Variants in YLPM1 observed in about 807,000 individuals in gnomAD.
YLPM1 encodes the protein YLP motif-containing protein 1.
YLPM1 carries 99 observed loss-of-function variants against 230.0 expected under a neutral mutation model. The observed-to-expected ratio is 0.43, with a 90% confidence interval of 0.37 to 0.51. The LOEUF (loss-of-function observed/expected upper bound fraction) is 0.51. YLPM1 is among the 20% of genes least tolerant of loss of function. The pLI is 0.00. For synonymous variants in YLPM1, 984 were observed against 942.5 expected, an observed-to-expected ratio of 1.04 and a Z score of -0.81; for missense variants, 2,592 against 2,707.7, an observed-to-expected ratio of 0.96 and a Z score of 0.95.
At chr14:74,804,735 T>G (rs2091359890) in intron 6 of YLPM1, among the ~76,000 whole-genome samples, 1 of 152,258 alleles carries the variant, frequency 6.6e-6, no homozygotes, top group Admixed American at 6.5e-5. Flanking sequence ...CTTGTCTTTC[T>G]TTCTAAATTG....
chr14:74,802,736 G>A, intron 6 of YLPM1, 60 bp downstream of exon 6: 1 of 1,465,918 alleles, frequency 6.8e-7, no homozygotes, highest in Middle Eastern at 1.8e-4. Context: ...TTTCTATGTT[G>A]TTTGATTTTT....
chr14:74,820,693 C>G (rs1317522237), intron 16 of YLPM1, among the ~76,000 whole-genome samples: 1 of 152,186 alleles, frequency 6.6e-6, no homozygotes, highest in Non-Finnish European at 1.5e-5. Flanking sequence ...TTTCACTATA[C>G]TTTTTCTTAT....
In YLPM1 at chr14:74,799,551, A is replaced by G; in HGVS notation, c.4254A>G (p.Glu1418=). 1 of 1,613,990 alleles carries G rather than the reference A, an allele frequency of 6.2e-7. No individual in the cohort carries two copies. The highest frequency in any genetic ancestry group is 1.3e-5 in the African/African-American group (1 of 75,048). Residue 1418 remains glutamate, a synonymous_variant, in exon 5 of 21, where the codon GAA becomes GAG. Transcript: ENST00000325680. ...TGGATAGACATTCCCCCATGGCGGA[A>G]CATATGCCCTCCTCACATCATTCCT... ...SDVDRHSPMA[E]HMPSSHHSSE...
chr14:74,765,990 G>A (rs1214986604), intron 1 of YLPM1, among the ~76,000 whole-genome samples: 1 of 152,104 alleles, frequency 6.6e-6, no homozygotes, highest in Non-Finnish European at 1.5e-5. Flanking sequence ...TCAACCCTCT[G>A]TTTCCCCTTA....
intron 2 of YLPM1, among the ~76,000 whole-genome samples, chr14:74,779,571 C>T (rs1483015036): frequency 2.6e-5 from 4 of 151,594 alleles, no homozygotes. Flanking sequence ...TATTGTAGTC[C>T]ATTGGTGAAA....
At chr14:74,788,794 G>A (rs2091173852) in intron 4 of YLPM1, among the ~76,000 whole-genome samples, 1 of 151,982 alleles carries the variant, frequency 6.6e-6, no homozygotes, top group Non-Finnish European at 1.5e-5. Context: ...AGTGAGCTGT[G>A]CACTGCACTC....
chr14:74,806,244 T>C lies in YLPM1; in HGVS notation c.4522-3136T>C, dbSNP rs1051491060. On this transcript the variant is annotated intron_variant, in intron 6 of 20. Coordinates refer to ENST00000325680, the MANE Select transcript of YLPM1 (RefSeq NM_019589.3). ...TGGTGGCATGTGCCTGTAATCCTAGTTACAGGTGAGGCTGAGGCAGGAGAA... is the reference window on the plus strand; with the variant it reads ...TGGTGGCATGTGCCTGTAATCCTAGCTACAGGTGAGGCTGAGGCAGGAGAA... Among the ~76,000 whole-genome samples, 52 of 151,886 alleles carry C rather than the reference T, an allele frequency of 3.4e-4. 1 individual carries two copies. The highest frequency in any genetic ancestry group is 3.4e-3 in the Admixed American group (52 of 15,262).
At chr14:74,782,451 C>T (rs1418915495) in intron 4 of YLPM1, 126 bp downstream of exon 4, 2 of 1,149,890 alleles carry the variant, frequency 1.7e-6, no homozygotes, top group East Asian at 2.7e-5. Context: ...CTTATATTGT[C>T]TGCTTGTTAA....
chr14:74,793,618 C>T (rs1357161354), intron 4 of YLPM1, among the ~76,000 whole-genome samples: 1 of 152,108 alleles, frequency 6.6e-6, no homozygotes, highest in Admixed American at 6.6e-5. Context: ...TCATTTTGGA[C>T]GTGTTCCTCA....
At position 74,763,976 on chromosome 14, in the gene YLPM1, T is replaced by A. The variant is rs753564375; in HGVS notation, c.487T>A (p.Ser163Thr). 2.2e-6 allele frequency: 3 copies of A among 1,380,394 alleles called. No homozygotes were observed. Among genetic ancestry groups the A allele is most frequent in the Non-Finnish European group, 2.9e-6 (3 of 1,044,578 alleles). The allele number at this position is 1,380,394 out of a possible 1,614,324, so 85.5% of individuals were successfully genotyped here. ...TGGGTCCTATATGCCCCCATCTCAG[T>A]CTTACATGCCCCCACCTCAGCCGCC... ...PPGSYMPPSQ[S>T]YMPPPQPPPS... Residue 163 changes from serine to threonine, a missense_variant, in exon 1 of 21, where the codon TCT (serine) becomes ACT (threonine). Coordinates refer to ENST00000325680, the MANE Select transcript of YLPM1 (RefSeq NM_019589.3).
rs1307494196 is a variant in YLPM1, at chr14:74,818,431, T to C, written c.6030+117T>C. On this transcript the variant is annotated intron_variant, in intron 16 of 20. Coordinates refer to ENST00000325680, the MANE Select transcript of YLPM1 (RefSeq NM_019589.3). ...TGAATAGTATTCATACAAGAACACCTACTGATATGCCTTTCATTGAGATCA... is the reference window on the plus strand; with the variant it reads ...TGAATAGTATTCATACAAGAACACCCACTGATATGCCTTTCATTGAGATCA... 5.9e-6 allele frequency: 4 copies of C among 681,436 alleles called. No individual in the cohort carries two copies. The African/African-American group carries it at 7.4e-5, about 13-fold the overall frequency. 42.2% of individuals were successfully genotyped at this position (681,436 alleles called of 1,614,324 possible).
At chr14:74,818,377 A>G (rs2140135131) in intron 16 of YLPM1, 63 bp downstream of exon 16, 1 of 1,400,900 alleles carries the variant, frequency 7.1e-7, no homozygotes, top group Non-Finnish European at 9.7e-7. Context: ...TTTTACTTTG[A>G]AAAACTTAAA....
At chr14:74,802,842 A>G (rs893985386) in intron 6 of YLPM1, among the ~76,000 whole-genome samples, 166 bp downstream of exon 6, 2 of 152,198 alleles carry the variant, frequency 1.3e-5, no homozygotes, top group African/African-American at 4.8e-5. Flanking sequence ...CCTTAAAAGC[A>G]TGTTCAAAAG....
intron 19 of YLPM1, among the ~76,000 whole-genome samples, chr14:74,834,709 G>T (rs959928587): frequency 6.6e-6 from 1 of 152,182 alleles, no homozygotes; most frequent in Non-Finnish European, 1.5e-5. Context: ...GGTGCGATGC[G>T]CTCTGAGTGC....
intron 11 of YLPM1, among the ~76,000 whole-genome samples, chr14:74,815,747 T>C (rs2091473302): frequency 6.6e-6 from 1 of 152,184 alleles, no homozygotes; most frequent in African/African-American, 2.4e-5. Context: ...GGTTAAGTTA[T>C]TGATTTGAGA....
At chr14:74,816,731 G>T (rs769624356) in intron 13 of YLPM1, 41 bp downstream of exon 13, 7 of 1,562,970 alleles carry the variant, frequency 4.5e-6, no homozygotes, top group Non-Finnish European at 6.1e-6. Context: ...TTCATTAATA[G>T]TATTTAAAGG....
intron 4 of YLPM1, among the ~76,000 whole-genome samples, chr14:74,782,673 A>G (rs993556585): frequency 6.6e-6 from 1 of 152,192 alleles, no homozygotes; most frequent in African/African-American, 2.4e-5. Flanking sequence ...TGAATTGGCA[A>G]TTACTATTTG....
At chr14:74,803,374 T>C (rs2091346405) in intron 6 of YLPM1, among the ~76,000 whole-genome samples, 1 of 152,244 alleles carries the variant, frequency 6.6e-6, no homozygotes, top group South Asian at 2.1e-4. Context: ...TAAAATGTTA[T>C]CTTGCAGGTA....
At chr14:74,835,705 G>GT in intron 20 of YLPM1, 70 bp from the exon 21 acceptor site, 1 of 412,586 alleles carries the variant, frequency 2.4e-6, no homozygotes, top group Non-Finnish European at 4.5e-6. Context: ...CTGAAATGAT[G>GT]TTATACTAAG....
Sources: gnomAD v4.1 joint callset for allele counts (sites outside exome capture counted in the v4.1 genomes callset) on GRCh38, gnomAD v4.1.1 for gene constraint, MANE v1.5 for transcripts, NCBI Gene and HGNC (gene_info 2026-07-23, HGNC 2026-07-21) for gene names.